Variants in GFRA2 observed in about 807,000 individuals in gnomAD.
GFRA2 encodes the protein GDNF family receptor alpha 2.
A neutral mutation model predicts 48.3 loss-of-function variants in GFRA2; 17 were observed. That is an observed-to-expected ratio of 0.35 (90% CI 0.24 to 0.53). The LOEUF is 0.53. Ranked by LOEUF, GFRA2 falls within the 20% of genes least tolerant of loss-of-function variation. The pLI is 0.93. For missense variants in GFRA2, 660 were observed against 637.3 expected (o/e 1.04, Z -0.38); for synonymous variants, 305 against 257.2 (o/e 1.19, Z -1.78).
At position 21,788,780 on chromosome 8, in the gene GFRA2, G is replaced by A. The variant is rs1807415265; in HGVS notation, c.-621C>T. The stretch of plus-strand genomic sequence containing the variant: ...CTCACTTTTTTCTAATGGAATTCCA[G>A]TGACCGTGTGTCTCTGCGTGCGTGT... On this transcript the variant is annotated 5_prime_UTR_variant, in exon 1 of 9. Transcript: ENST00000524240. 1 of 985,326 alleles carries A rather than the reference G, an allele frequency of 1.0e-6. No individual in the cohort carries two copies. The highest frequency in any genetic ancestry group is 6.1e-5 in the Admixed American group (1 of 16,262). 61.0% of individuals were successfully genotyped at this position (985,326 alleles called of 1,614,324 possible). A position where few individuals can be genotyped will look rare whatever the true frequency, so the allele number is the denominator to read the frequency against.
At chr8:21,806,949 C>G (rs568176669) in intron 1 of GFRA2, among the ~76,000 whole-genome samples, 1 of 152,268 alleles carries the variant, frequency 6.6e-6, no homozygotes, top group African/African-American at 2.4e-5. Flanking sequence ...GCTACAATGT[C>G]GCTATTGGTC....
At position 21,705,097 on chromosome 8, in the gene GFRA2, G is replaced by A. The variant is rs1251374815; in HGVS notation, c.933C>T (p.Asp311=). The change falls in exon 6 of 9, where the codon GAC becomes GAT. Residue 311 remains aspartate, a synonymous_variant. Coordinates refer to ENST00000524240, the MANE Select transcript of GFRA2 (RefSeq NM_001495.5). The part of the protein sequence containing the change: ...IGFDMTPNYV[D]SSPTGIVVSP... ...ACACCACGATGCCAGTGGGGCTGGA[G>A]TCCACATAGTTAGGTGTCATGTCAA... 4 of 1,611,264 alleles carry A rather than the reference G, an allele frequency of 2.5e-6. No individual in the cohort carries two copies.
In GFRA2 at chr8:21,758,369, C is replaced by T. The variant is rs140228505; in HGVS notation, c.440-7427G>A. Reference sequence around the variant, plus strand: ...GAGAGGATCTTCAAGGTAGACTTTCCAATCGCAAATGTGCCTGTGGGCAGA... The same window carrying T: ...GAGAGGATCTTCAAGGTAGACTTTCTAATCGCAAATGTGCCTGTGGGCAGA... On this transcript the variant is annotated intron_variant, in intron 3 of 8. Transcript: ENST00000524240. Among the ~76,000 whole-genome samples the T allele has an allele frequency of 4.6e-5, 7 of 152,290 alleles. No individual in the cohort carries two copies. The East Asian group carries it at 1.2e-3, about 25-fold the overall frequency.
chr8:21,730,968 T>G (rs944592716), intron 4 of GFRA2, among the ~76,000 whole-genome samples: 3 of 152,096 alleles, frequency 2.0e-5, no homozygotes, highest in African/African-American at 7.2e-5. Flanking sequence ...CGAGGTAGAT[T>G]CAGGGCTGGG....
In GFRA2 at chr8:21,775,069, C is replaced by T. The variant is rs1223817329; in HGVS notation, c.356-14G>A. 2.1e-6 allele frequency: 3 copies of T among 1,445,610 alleles called. No individual in the cohort carries two copies. Among genetic ancestry groups the T allele is most frequent in the Middle Eastern group, 1.7e-4 (1 of 5,742 alleles). The allele number at this position is 1,445,610 out of a possible 1,614,324, so 89.5% of individuals were successfully genotyped here. ...AGAACTCCTCACCTGGAAGACAGAA[C>T]AGGCATCAGATGCGGGCTCCTCCGG... On this transcript the variant is annotated splice_polypyrimidine_tract_variant and intron_variant, in intron 2 of 8. Coordinates refer to ENST00000524240, the MANE Select transcript of GFRA2 (RefSeq NM_001495.5).
chr8:21,775,989 C>CTGTGTG lies in GFRA2; in HGVS notation c.356-940_356-935dup, dbSNP rs200687629. Reference sequence around the variant, plus strand: ...AAATTGATGGCTCACCACTCATCCTCTGTGTGTGTGTGTGTGTGTGTGTGT... The same window carrying CTGTGTG: ...AAATTGATGGCTCACCACTCATCCTCTGTGTGTGTGTGTGTGTGTGTGTGTGTGTGT... On this transcript the variant is annotated intron_variant, in intron 2 of 8. Coordinates refer to ENST00000524240, the MANE Select transcript of GFRA2 (RefSeq NM_001495.5). 5.0e-3 allele frequency among the ~76,000 whole-genome samples: 626 copies of CTGTGTG among 126,448 alleles called. 4 individuals carry two copies. The highest frequency in any genetic ancestry group is 6.2e-3 in the African/African-American group (199 of 31,988). 83.0% of individuals were successfully genotyped at this position (126,448 alleles called of 152,430 possible).
At chr8:21,793,043 C>T (rs1016970913), upstream of GFRA2, among the ~76,000 whole-genome samples, 2 of 151,800 alleles carry the variant, frequency 1.3e-5, no homozygotes, top group Non-Finnish European at 2.9e-5. Context: ...CTCCAGCCTG[C>T]GCAACAGAGC....
chr8:21,808,669 G>A lies in GFRA2; in HGVS notation c.-147-3541C>T, dbSNP rs1807921507. 2.0e-5 allele frequency among the ~76,000 whole-genome samples: 3 copies of A among 152,184 alleles called. No homozygotes were observed. In the South Asian group the frequency reaches 6.2e-4, roughly 32 times the overall value. On this transcript the variant is annotated intron_variant, in intron 1 of 10. Coordinates refer to the GFRA2 transcript ENST00000517328. ...CTGCTGGAAGAGCCTCTATCCAGAG[G>A]AGCTGAAGTCTCAGGACTGACCACC...
rs886515176 is a variant in GFRA2 at position 21,693,480 on chromosome 8, G to C, written c.1273-80C>G. 3 of 1,364,594 alleles carry C rather than the reference G, an allele frequency of 2.2e-6. No individual in the cohort carries two copies. In the African/African-American group the frequency reaches 4.4e-5, roughly 20 times the overall value. 84.5% of individuals were successfully genotyped at this position (1,364,594 alleles called of 1,614,324 possible). On this transcript the variant is annotated intron_variant, in intron 8 of 8. Transcript: ENST00000524240. ...CAGTCAGGAGGCCTGGGACCCGGCA[G>C]AGAAACGGACTCAGGAACTGGACAC...
At chr8:21,792,319 C>T (rs376848144), upstream of GFRA2, among the ~76,000 whole-genome samples, 949 of 152,274 alleles carry the variant, frequency 6.2e-3, 8 homozygotes, top group African/African-American at 0.021. Context: ...GTTCCCTGAC[C>T]CCAGAGATAA....
chr8:21,776,799 A>T (rs1489131292), intron 2 of GFRA2, among the ~76,000 whole-genome samples: 2 of 151,904 alleles, frequency 1.3e-5, no homozygotes, highest in Admixed American at 6.6e-5. Flanking sequence ...CCCATATCTG[A>T]TCCCACCTTC....
At chr8:21,790,229 C>A (rs1381670515), upstream of GFRA2, 1 of 263,254 alleles carries the variant, frequency 3.8e-6, no homozygotes, top group Non-Finnish European at 5.9e-6. Context: ...CACACCCACG[C>A]AGCCCGGCAT....
chr8:21,704,058 C>A (rs1174736461), intron 6 of GFRA2, among the ~76,000 whole-genome samples: 1 of 152,270 alleles, frequency 6.6e-6, no homozygotes, highest in Non-Finnish European at 1.5e-5. Context: ...ATGCTATCTA[C>A]CTGTCCAGAT....
chr8:21,744,587 A>ACACACACACACACACACACACAC (rs1804909903), intron 4 of GFRA2, among the ~76,000 whole-genome samples: 4 of 139,486 alleles, frequency 2.9e-5, no homozygotes, highest in African/African-American at 1.0e-4. Flanking sequence ...ACACACACAC[A>ACACACACACACACACACACACAC]ATCTGAGCCC....
At position 21,732,009 on chromosome 8, in the gene GFRA2, G is replaced by C. The variant is rs183745582; in HGVS notation, c.794+18579C>G. On this transcript the variant is annotated intron_variant, in intron 4 of 8. Coordinates refer to ENST00000524240, the MANE Select transcript of GFRA2 (RefSeq NM_001495.5). ...CTATCTCTGTTTAAGGAGACAAAGA[G>C]CATTTAAGAACTTCACAAGTATTTA... is the stretch of plus-strand genomic sequence containing the variant. Among the ~76,000 whole-genome samples the C allele has an allele frequency of 5.9e-4, 90 of 152,356 alleles. 1 individual carries two copies. Among genetic ancestry groups the C allele is most frequent in the Non-Finnish European group, 1.2e-4 (8 of 68,044 alleles).
intron 2 of GFRA2, chr8:21,797,717 T>C (rs1807703000): frequency 6.6e-6 from 1 of 152,146 alleles, no homozygotes; most frequent in South Asian, 2.1e-4. Flanking sequence ...CTAATTTTTG[T>C]ATCTTTTGTA....
chr8:21,802,142 C>T (rs1443728849), intron 2 of GFRA2, among the ~76,000 whole-genome samples: 4 of 152,222 alleles, frequency 2.6e-5, no homozygotes, highest in East Asian at 1.9e-4. Context: ...AAAGTGCCCT[C>T]GCACATTACT....
intron 2 of GFRA2, among the ~76,000 whole-genome samples, chr8:21,795,149 G>A (rs1483689133): frequency 6.6e-6 from 1 of 152,166 alleles, no homozygotes; most frequent in Non-Finnish European, 1.5e-5. Flanking sequence ...TCCCATGGGG[G>A]TTGGACAGAG....
At position 21,692,967 on chromosome 8, in the gene GFRA2, G is replaced by A. The variant is rs556549705; in HGVS notation, c.*311C>T. On this transcript the variant is annotated 3_prime_UTR_variant, in exon 9 of 9. Coordinates refer to ENST00000524240, the MANE Select transcript of GFRA2 (RefSeq NM_001495.5). ...AGGCTCTTGTCCGGTCTCTGCTTCA[G>A]AAGGGTCCAGAGAGAAAAACACCAG... 168 of 187,608 alleles carry A rather than the reference G, an allele frequency of 9.0e-4. No homozygotes were observed. Among genetic ancestry groups the A allele is most frequent in the Non-Finnish European group, 1.6e-3 (143 of 90,788 alleles). The allele number at this position is 187,608 out of a possible 1,614,324, so 11.6% of individuals were successfully genotyped here.
Sources: allele counts gnomAD v4.1 joint callset (sites outside exome capture counted in the v4.1 genomes callset), GRCh38; gene constraint gnomAD v4.1.1; transcripts MANE v1.5; gene names NCBI Gene and HGNC (gene_info 2026-07-23, HGNC 2026-07-21).